The following MEOX2 variants were observed in gnomAD, a reference collection of about 807,000 sequenced individuals.
MEOX2 encodes homeobox protein MOX-2.
MEOX2 carries 11 observed loss-of-function variants against 27.0 expected under a neutral mutation model. That is an observed-to-expected ratio of 0.41 (90% confidence interval 0.26 to 0.68). MEOX2 has a LOEUF of 0.68. Ranked by LOEUF, MEOX2 falls within the 30% of genes least tolerant of loss-of-function variation. The probability of loss-of-function intolerance (pLI) is 0.33; values close to 1 mark genes in which losing one functional copy is unlikely to be tolerated. For synonymous variants in MEOX2, 189 were observed against 155.4 expected, an observed-to-expected ratio of 1.22 and a Z score of -1.61; for missense variants, 436 against 385.4, an observed-to-expected ratio of 1.13 and a Z score of -1.10.
chr7:15,630,569 G>C (rs1562598784), intron 1 of MEOX2, among the ~76,000 whole-genome samples: 1 of 151,914 alleles, frequency 6.6e-6, no homozygotes, highest in Non-Finnish European at 1.5e-5. Context: ...GTATAGCTTG[G>C]ACTAATATAA....
At chr7:15,630,943 A>T (rs1394883058) in intron 1 of MEOX2, among the ~76,000 whole-genome samples, 1 of 151,892 alleles carries the variant, frequency 6.6e-6, no homozygotes, top group Non-Finnish European at 1.5e-5. Context: ...GGAGTTCTTA[A>T]ATCCTCTTGC....
chr7:15,649,488 A>G (rs1781702711), intron 1 of MEOX2, among the ~76,000 whole-genome samples: 1 of 152,120 alleles, frequency 6.6e-6, no homozygotes, highest in Non-Finnish European at 1.5e-5. Context: ...CAAGCAAATT[A>G]CATTTATGAT....
chr7:15,639,945 G>T (rs910603967), intron 1 of MEOX2, among the ~76,000 whole-genome samples: 4 of 151,962 alleles, frequency 2.6e-5, no homozygotes, highest in East Asian at 1.9e-4. Context: ...TTTTGCTTAC[G>T]ATTGCTTTGG....
chr7:15,626,045 T>A (rs1322192906), intron 2 of MEOX2, among the ~76,000 whole-genome samples: 1 of 152,164 alleles, frequency 6.6e-6, no homozygotes, highest in African/African-American at 2.4e-5. Flanking sequence ...TTGCCTTTCA[T>A]CATTTCCCAG....
intron 2 of MEOX2, among the ~76,000 whole-genome samples, chr7:15,626,256 T>A (rs964207771): frequency 6.6e-6 from 1 of 152,164 alleles, no homozygotes; most frequent in Non-Finnish European, 1.5e-5. Context: ...TTATCTGGAA[T>A]GCTGGACATG....
intron 2 of MEOX2, 75 bp from the exon 3 acceptor site, chr7:15,612,686 A>G: frequency 2.4e-6 from 3 of 1,263,722 alleles, no homozygotes; most frequent in African/African-American, 3.0e-5. Flanking sequence ...CCTTAGTGTC[A>G]TCAATGAAAA....
Position 15,686,051 on chromosome 7 carries a change from G to A in MEOX2, c.352C>T (p.Pro118Ser), listed in dbSNP as rs1178463250. The change falls in exon 1 of 3, where the codon CCA becomes TCA. Residue 118 changes from proline to serine, a missense_variant. Coordinates refer to ENST00000262041, the MANE Select transcript of MEOX2 (RefSeq NM_005924.5). The stretch of plus-strand genomic sequence containing the variant: ...ACGGGCGGGCTGCTCCCCAACTCTG[G>A]GGGCCCTCCAGAGTCGGGCTGGAGG... Reference protein sequence around the residue: ...LCLQPDSGGPPELGSSPPVLC... With the variant: ...LCLQPDSGGPSELGSSPPVLC... The A allele has an allele frequency of 6.2e-7, 1 of 1,603,880 alleles. No homozygotes were observed. The highest frequency in any genetic ancestry group is 1.3e-5 in the African/African-American group (1 of 74,812).
intron 1 of MEOX2, among the ~76,000 whole-genome samples, chr7:15,646,564 T>C (rs560301392): frequency 1.3e-5 from 2 of 152,038 alleles, no homozygotes; most frequent in Non-Finnish European, 2.9e-5. Context: ...TGATTATATT[T>C]TAAATCCTTA....
At chr7:15,671,060 A>G (rs1319430283) in intron 1 of MEOX2, among the ~76,000 whole-genome samples, 1 of 152,218 alleles carries the variant, frequency 6.6e-6, no homozygotes, top group Non-Finnish European at 1.5e-5. Context: ...AACATTGAAC[A>G]TAATGGACAC....
chr7:15,684,250 G>A (rs1450358642), intron 1 of MEOX2, among the ~76,000 whole-genome samples: 1 of 152,106 alleles, frequency 6.6e-6, no homozygotes, highest in Non-Finnish European at 1.5e-5. Context: ...TCATCAACCC[G>A]AACTGGGATC....
intron 1 of MEOX2, among the ~76,000 whole-genome samples, chr7:15,666,202 G>C (rs1490623899): frequency 1.3e-5 from 2 of 152,144 alleles, no homozygotes; most frequent in African/African-American, 4.8e-5. Flanking sequence ...AAACATGGGA[G>C]AGCCAATACA....
chr7:15,673,003 C>T (rs898095842), intron 1 of MEOX2, among the ~76,000 whole-genome samples: 3 of 152,104 alleles, frequency 2.0e-5, no homozygotes, highest in Admixed American at 6.6e-5. Context: ...TACAGATTGC[C>T]CAAGCATCTT....
intron 1 of MEOX2, among the ~76,000 whole-genome samples, chr7:15,658,349 G>A (rs904781079): frequency 2.0e-5 from 3 of 152,146 alleles, no homozygotes; most frequent in Admixed American, 6.5e-5. Context: ...AGCAGCCATG[G>A]GATTTTTTCC....
intron 1 of MEOX2, among the ~76,000 whole-genome samples, chr7:15,630,630 G>A (rs1781386613): frequency 6.6e-6 from 1 of 151,942 alleles, no homozygotes; most frequent in African/African-American, 2.4e-5. Context: ...TCAGCATATT[G>A]CTGTAACTTT....
intron 1 of MEOX2, among the ~76,000 whole-genome samples, chr7:15,674,938 C>T (rs1782168542): frequency 6.6e-6 from 1 of 152,032 alleles, no homozygotes; most frequent in African/African-American, 2.4e-5. Context: ...CAATGGTTTT[C>T]TAAAACTGGG....
At position 15,678,714 on chromosome 7, in the gene MEOX2, A is replaced by T. The variant is rs993585323; in HGVS notation, c.517+7172T>A. 2.6e-5 allele frequency among the ~76,000 whole-genome samples: 4 copies of T among 152,172 alleles called. No individual in the cohort carries two copies. The South Asian group carries it at 8.3e-4, about 32-fold the overall frequency. Reference sequence around the variant, plus strand: ...TATCACTTTGCAAAAATAAGTTTTCATTTGGGTGTCATTTCTGGCAAAAAT... The same window carrying T: ...TATCACTTTGCAAAAATAAGTTTTCTTTTGGGTGTCATTTCTGGCAAAAAT... On this transcript the variant is annotated intron_variant, in intron 1 of 2. Coordinates refer to ENST00000262041, the MANE Select transcript of MEOX2 (RefSeq NM_005924.5).
At chr7:15,625,154 A>G (rs531749724) in intron 2 of MEOX2, among the ~76,000 whole-genome samples, 1 of 152,290 alleles carries the variant, frequency 6.6e-6, no homozygotes, top group South Asian at 2.1e-4. Flanking sequence ...ACTATATAAA[A>G]CACGGTTGCA....
At chr7:15,625,030 C>T (rs1781278251) in intron 2 of MEOX2, among the ~76,000 whole-genome samples, 1 of 152,128 alleles carries the variant, frequency 6.6e-6, no homozygotes. Flanking sequence ...CCGTAGACCA[C>T]CCCCAAAATG....
chr7:15,686,532 T>C lies in MEOX2; in HGVS notation c.-130A>G, dbSNP rs1583803169. 2.6e-5 allele frequency: 21 copies of C among 818,674 alleles called. No homozygotes were observed. Among genetic ancestry groups the C allele is most frequent in the Non-Finnish European group, 3.8e-5 (20 of 529,386 alleles). The allele number at this position is 818,674 out of a possible 1,614,324, so 50.7% of individuals were successfully genotyped here. A position where few individuals can be genotyped will look rare whatever the true frequency, so the allele number is the denominator to read the frequency against. On this transcript the variant is annotated 5_prime_UTR_variant, in exon 1 of 3. Transcript: ENST00000262041. ...TCCCAAAGCAATAGCGGTGCACTTCTGCAGAGCTCGGATAATCCCGGTCCT... is the reference window on the plus strand; with the variant it reads ...TCCCAAAGCAATAGCGGTGCACTTCCGCAGAGCTCGGATAATCCCGGTCCT...
Sources: allele counts gnomAD v4.1 joint callset (sites outside exome capture counted in the v4.1 genomes callset), GRCh38; gene constraint gnomAD v4.1.1; transcripts MANE v1.5; gene names NCBI Gene and HGNC (gene_info 2026-07-23, HGNC 2026-07-21).